The following POU2F1 variants were observed in gnomAD, a reference collection of about 807,000 sequenced individuals.
The protein encoded by POU2F1 is POU class 2 homeobox 1, also known as POU domain, class 2, transcription factor 1.
A neutral mutation model predicts 84.9 loss-of-function variants in POU2F1; 16 were observed. The ratio of observed to expected loss-of-function variants is 0.19; its 90% CI spans 0.13 to 0.29. The LOEUF is 0.29. Ranked by LOEUF, POU2F1 falls within the 10% of genes least tolerant of loss-of-function variation. The pLI is 1.00. For missense variants in POU2F1, 738 were observed against 942.6 expected (o/e 0.78, Z 2.84); for synonymous variants, 368 against 368.3 (o/e 1.00, Z 0.01).
At chr1:167,240,449 A>G (rs1027739230) in intron 1 of POU2F1, among the ~76,000 whole-genome samples, 4 of 152,222 alleles carry the variant, frequency 2.6e-5, no homozygotes, top group African/African-American at 7.2e-5. Context: ...CGTATTTTAT[A>G]TACTCGTGGG....
intron 9 of POU2F1, 66 bp downstream of exon 9, chr1:167,389,827 T>C: frequency 3.3e-6 from 5 of 1,521,586 alleles, no homozygotes; most frequent in Non-Finnish European, 4.5e-6. Flanking sequence ...TGGCTCTCTG[T>C]ATTCATGGAT....
At position 167,235,597 on chromosome 1, in the gene POU2F1, G is replaced by T. The variant is rs76924880; in HGVS notation, c.61+14639G>T. Among the ~76,000 whole-genome samples the T allele has an allele frequency of 3.8e-3, 581 of 152,230 alleles. 3 individuals are homozygous for T. The highest frequency in any genetic ancestry group is 0.013 in the African/African-American group (559 of 41,522). ...TTCCTGGGATTTGTTCCTATGTATT[G>T]CAGACAGATGTCCACGCTTAGGTGT... On this transcript the variant is annotated intron_variant, in intron 1 of 15. Transcript: ENST00000367866.
At chr1:167,281,158 T>C (rs925870295) in intron 1 of POU2F1, among the ~76,000 whole-genome samples, 1 of 152,206 alleles carries the variant, frequency 6.6e-6, no homozygotes, top group African/African-American at 2.4e-5. Context: ...CGGTCTTAAC[T>C]TAAAATGTAC....
In POU2F1 at chr1:167,376,044, C is replaced by A; in HGVS notation, c.607C>A (p.Gln203Lys). The A allele has an allele frequency of 6.2e-7, 1 of 1,614,074 alleles. No homozygotes were observed. Among genetic ancestry groups the A allele is most frequent in the Non-Finnish European group, 8.5e-7 (1 of 1,179,960 alleles). Residue 203 changes from glutamine to lysine, a missense_variant, in exon 7 of 16, where the codon CAA becomes AAA. Transcript: ENST00000367866. The stretch of plus-strand genomic sequence containing the variant: ...AATTTTTCAGGATCTTCAACAACTG[C>A]AACAGCTTCAACAGCAGAATCTCAA... The part of the protein sequence containing the change: ...IQIAQDLQQL[Q>K]QLQQQNLNLQ...
intron 1 of POU2F1, among the ~76,000 whole-genome samples, chr1:167,287,954 G>A (rs1409291079): frequency 6.6e-6 from 1 of 152,206 alleles, no homozygotes; most frequent in Non-Finnish European, 1.5e-5. Flanking sequence ...TAGCGATGAT[G>A]GAAGCCTAAA....
chr1:167,324,623 C>T (rs1041522099), intron 1 of POU2F1, among the ~76,000 whole-genome samples: 5 of 152,156 alleles, frequency 3.3e-5, no homozygotes, highest in African/African-American at 7.2e-5. Context: ...TACTTGTCTT[C>T]CTCTCATGCC....
intron 1 of POU2F1, among the ~76,000 whole-genome samples, chr1:167,330,874 A>AT (rs752378590): frequency 7.8e-4 from 119 of 152,118 alleles, no homozygotes; most frequent in Non-Finnish European, 1.4e-3. Flanking sequence ...CTGATTGATC[A>AT]TTTTTTCCAC....
At chr1:167,288,370 C>G (rs1056650962) in intron 1 of POU2F1, among the ~76,000 whole-genome samples, 4 of 152,174 alleles carry the variant, frequency 2.6e-5, no homozygotes, top group Admixed American at 6.5e-5. Context: ...AACAGGATTC[C>G]TAACATGGTT....
chr1:167,412,526 A>G (rs1043652603), intron 14 of POU2F1, among the ~76,000 whole-genome samples: 5 of 152,190 alleles, frequency 3.3e-5, no homozygotes, highest in Non-Finnish European at 5.9e-5. Flanking sequence ...CTTTGTTTCC[A>G]GATGAAGACC....
At chr1:167,386,917 A>G (rs1648022477) in intron 8 of POU2F1, among the ~76,000 whole-genome samples, 1 of 152,216 alleles carries the variant, frequency 6.6e-6, no homozygotes, top group Admixed American at 6.5e-5. Flanking sequence ...TTTGGGAGTG[A>G]TGAGAATGTT....
intron 13 of POU2F1, among the ~76,000 whole-genome samples, chr1:167,410,453 G>T: frequency 6.6e-6 from 1 of 152,086 alleles, no homozygotes; most frequent in Non-Finnish European, 1.5e-5. Flanking sequence ...TAACAAGATT[G>T]TTATGAAAGA....
At chr1:167,385,475 A>G (rs191335878) in intron 8 of POU2F1, among the ~76,000 whole-genome samples, 39 of 152,306 alleles carry the variant, frequency 2.6e-4, no homozygotes, top group African/African-American at 8.4e-4. Context: ...ATAGAAATAG[A>G]GATCAGTGGA....
At chr1:167,238,156 T>A (rs531572046) in intron 1 of POU2F1, among the ~76,000 whole-genome samples, 39 of 152,188 alleles carry the variant, frequency 2.6e-4, no homozygotes, top group African/African-American at 8.4e-4. Context: ...AATTAAAAAA[T>A]TTTTTTGAGA....
At chr1:167,353,432 T>G (rs1658714872) in intron 2 of POU2F1, among the ~76,000 whole-genome samples, 1 of 151,802 alleles carries the variant, frequency 6.6e-6, no homozygotes, top group Admixed American at 6.6e-5. Context: ...TCTCGTACCC[T>G]TCAGGTTTCT....
At chr1:167,299,094 C>T (rs1654477411) in intron 1 of POU2F1, among the ~76,000 whole-genome samples, 1 of 138,274 alleles carries the variant, frequency 7.2e-6, no homozygotes, top group African/African-American at 2.7e-5. Context: ...ACCTGGGAGG[C>T]GGAGGTTATG....
chr1:167,239,625 A>C (rs1649755505), intron 1 of POU2F1, among the ~76,000 whole-genome samples: 1 of 152,218 alleles, frequency 6.6e-6, no homozygotes, highest in South Asian at 2.1e-4. Context: ...AGCAGAATAC[A>C]TAGCCCCTTG....
intron 1 of POU2F1, among the ~76,000 whole-genome samples, chr1:167,266,442 G>A (rs940828919): frequency 2.6e-5 from 4 of 151,890 alleles, no homozygotes; most frequent in Non-Finnish European, 5.9e-5. Context: ...TCTTTTCATC[G>A]GTAATTAAGT....
intron 1 of POU2F1, among the ~76,000 whole-genome samples, chr1:167,251,127 G>T (rs1650695603): frequency 6.6e-6 from 1 of 152,140 alleles, no homozygotes; most frequent in African/African-American, 2.4e-5. Context: ...GGCCAAGTGT[G>T]GTGGCTCATG....
chr1:167,411,599 A>C (rs751904170), intron 13 of POU2F1, among the ~76,000 whole-genome samples: 1 of 152,140 alleles, frequency 6.6e-6, no homozygotes, highest in African/African-American at 2.4e-5. Context: ...GAGATTTCTG[A>C]ATGAAAAGAG....
Sources: allele counts gnomAD v4.1 joint callset (sites outside exome capture counted in the v4.1 genomes callset), GRCh38; gene constraint gnomAD v4.1.1; transcripts MANE v1.5; gene names NCBI Gene and HGNC (gene_info 2026-07-23, HGNC 2026-07-21).